Variants in POP4 observed in about 807,000 individuals in gnomAD.
POP4 encodes the protein ribonuclease P protein subunit p29.
A neutral mutation model predicts 29.9 loss-of-function variants in POP4; 31 were observed. That is an observed-to-expected ratio of 1.04 (90% CI 0.78 to 1.40). The LOEUF (loss-of-function observed/expected upper bound fraction) is 1.40, where lower values mean the gene tolerates loss of function less well. POP4 is among the 40% of genes most tolerant of loss of function. The pLI, the probability that POP4 is intolerant of heterozygous loss-of-function variation, is 0.00. For missense variants in POP4, 286 were observed against 282.7 expected, an observed-to-expected ratio of 1.01 and a Z score of -0.08; for synonymous variants, 110 against 108.2, an observed-to-expected ratio of 1.02 and a Z score of -0.10.
rs561509755 is a variant in POP4, at chr19:29,615,439, G to A, written c.*59G>A. On this transcript the variant is annotated 3_prime_UTR_variant, in exon 7 of 7. Transcript: ENST00000585603. ...GCTGAAAACTGGACACTCCCTAAATGTCCACCTTTCAGTGAAGAGATAGTT... is the reference window on the plus strand; with the variant it reads ...GCTGAAAACTGGACACTCCCTAAATATCCACCTTTCAGTGAAGAGATAGTT... The A allele has an allele frequency of 1.3e-6, 2 of 1,568,552 alleles. No individual in the cohort carries two copies. The highest frequency in any genetic ancestry group is 1.8e-5 in the Admixed American group (1 of 55,510).
At chr19:29,611,238 G>A (rs1971065281) in intron 3 of POP4, 1 of 156,156 alleles carries the variant, frequency 6.4e-6, no homozygotes, top group South Asian at 2.0e-4. Context: ...GCCCCACTCA[G>A]GAGATCAGCT....
intron 3 of POP4, 183 bp downstream of exon 3, chr19:29,610,815 A>G (rs970084565): frequency 3.2e-6 from 2 of 624,918 alleles, no homozygotes; most frequent in Non-Finnish European, 5.6e-6. Context: ...CGGGTGAGAC[A>G]GGACTCATTG....
rs948518399 is a variant in POP4, at chr19:29,608,548, G to A, written c.8-109G>A. 2.7e-6 allele frequency: 3 copies of A among 1,093,910 alleles called. No individual in the cohort carries two copies. In the African/African-American group the frequency reaches 4.6e-5, roughly 17 times the overall value. 67.8% of individuals were successfully genotyped at this position (1,093,910 alleles called of 1,614,324 possible). Reference sequence around the variant, plus strand: ...GCCTCCCAAAGTGCTAGGACTACAGGTATGAGCCACTGCGCCTAGTGGCGT... The same window carrying A: ...GCCTCCCAAAGTGCTAGGACTACAGATATGAGCCACTGCGCCTAGTGGCGT... On this transcript the variant is annotated intron_variant, in intron 1 of 6. Coordinates refer to ENST00000585603, the MANE Select transcript of POP4 (RefSeq NM_006627.3).
rs1971136901 is a variant in POP4 at position 29,616,787 on chromosome 19, AAC to A, written c.*1412_*1413del. The A allele has an allele frequency of 2.6e-5, 4 of 152,388 alleles. No homozygotes were observed. In the South Asian group the frequency reaches 8.3e-4, roughly 32 times the overall value. 9.4% of individuals were successfully genotyped at this position (152,388 alleles called of 1,614,324 possible). ...CACGCAGTCACCGCTGCCAGTGATG[AAC>A]ACACGCACGGGCTAGGCACATGGAG... is the stretch of plus-strand genomic sequence containing the variant. On this transcript the variant is annotated 3_prime_UTR_variant, in exon 7 of 7. Transcript: ENST00000585603.
intron 5 of POP4, among the ~76,000 whole-genome samples, chr19:29,613,406 GGCT>G (rs1971094232): frequency 6.6e-6 from 1 of 152,176 alleles, no homozygotes; most frequent in Non-Finnish European, 1.5e-5. Context: ...ACGAGGGAGG[GGCT>G]GCTGCTTGTG....
intron 2 of POP4, chr19:29,608,963 G>A (rs1568293890): frequency 4.7e-6 from 2 of 430,032 alleles, no homozygotes; most frequent in East Asian, 4.2e-5. Flanking sequence ...TTCCCACTGT[G>A]TTGGGGACAC....
chr19:29,611,805 A>G, intron 3 of POP4, 57 bp from the exon 4 acceptor site: 1 of 1,440,986 alleles, frequency 6.9e-7, no homozygotes, highest in Non-Finnish European at 9.8e-7. Flanking sequence ...CTATTTGGAC[A>G]TTGTCATCCC....
At chr19:29,613,734 C>T (rs1971098208) in intron 5 of POP4, 137 bp from the exon 6 acceptor site, 5 of 1,362,008 alleles carry the variant, frequency 3.7e-6, no homozygotes, top group Non-Finnish European at 4.9e-6. Context: ...GTTGAGCCCC[C>T]ACCCCCTGGG....
chr19:29,611,432 TC>T, intron 3 of POP4: 2 of 196,710 alleles, frequency 1.0e-5, no homozygotes, highest in Non-Finnish European at 1.0e-5. Flanking sequence ...TTGCCCCTGC[TC>T]CCCGCTTCTT....
intron 2 of POP4, 136 bp from the exon 3 acceptor site, chr19:29,610,273 T>A: frequency 1.3e-6 from 1 of 749,830 alleles, no homozygotes; most frequent in East Asian, 2.7e-5. Context: ...GATGAGCAGG[T>A]TGAGAGCCTC....
At chr19:29,613,743 G>A in intron 5 of POP4, 128 bp from the exon 6 acceptor site, 2 of 1,408,148 alleles carry the variant, frequency 1.4e-6, no homozygotes, top group Non-Finnish European at 1.9e-6. Flanking sequence ...CCACCCCCTG[G>A]GTGCTCTGTT....
Position 29,615,229 on chromosome 19 carries a change from T to C in POP4, c.527-15T>C, listed in dbSNP as rs776106150. On this transcript the variant is annotated splice_polypyrimidine_tract_variant and intron_variant, in intron 6 of 6. Transcript: ENST00000585603. ...TCATCTTTTTTTCTCCTGCCTTTTTTTTTTTTTTTTTCAGTTATCCCCAAG... is the reference window on the plus strand; with the variant it reads ...TCATCTTTTTTTCTCCTGCCTTTTTCTTTTTTTTTTTCAGTTATCCCCAAG... The C allele has an allele frequency of 2.7e-6, 4 of 1,505,612 alleles. No homozygotes were observed. The South Asian group carries it at 5.3e-5, about 20-fold the overall frequency. 93.3% of individuals were successfully genotyped at this position (1,505,612 alleles called of 1,614,324 possible). A position where few individuals can be genotyped will look rare whatever the true frequency, so the allele number is the denominator to read the frequency against.
At chr19:29,612,763 G>T (rs933126738) in intron 5 of POP4, among the ~76,000 whole-genome samples, 4 of 152,184 alleles carry the variant, frequency 2.6e-5, no homozygotes, top group African/African-American at 7.2e-5. Flanking sequence ...CCTAAACAGT[G>T]TCTATGTTTC....
At chr19:29,614,447 G>A (rs528619816) in intron 6 of POP4, among the ~76,000 whole-genome samples, 4 of 152,062 alleles carry the variant, frequency 2.6e-5, no homozygotes, top group South Asian at 2.1e-4. Flanking sequence ...TCTACACCCC[G>A]CCTTACCCAC....
Position 29,612,111 on chromosome 19 carries a change from C to T in POP4, c.363-6C>T, listed in dbSNP as rs1971076438. ...TGTAAACCAAGGGCTTCTGTTTACC[C>T]TGCAGGCAGCCACAGATGATTCAGG... On this transcript the variant is annotated splice_region_variant and splice_polypyrimidine_tract_variant and intron_variant, in intron 4 of 6. Coordinates refer to ENST00000585603, the MANE Select transcript of POP4 (RefSeq NM_006627.3). 2.5e-6 allele frequency: 4 copies of T among 1,606,360 alleles called. No homozygotes were observed. The highest frequency in any genetic ancestry group is 3.4e-6 in the Non-Finnish European group (4 of 1,177,844).
chr19:29,612,057 G>C, intron 4 of POP4, 60 bp from the exon 5 acceptor site: 1 of 1,590,030 alleles, frequency 6.3e-7, no homozygotes, highest in South Asian at 1.1e-5. Context: ...TAAAGACCTA[G>C]TTGCTTCTTT....
In POP4 at chr19:29,608,661, G is replaced by T; in HGVS notation, c.12G>T (p.Val4=). The T allele has an allele frequency of 6.2e-7, 1 of 1,613,776 alleles. No individual in the cohort carries two copies. Among genetic ancestry groups the T allele is most frequent in the South Asian group, 1.1e-5 (1 of 91,054 alleles). The change falls in exon 2 of 7, where the codon GTG becomes GTT. Residue 4 remains valine (V), a synonymous_variant. Transcript: ENST00000585603. ...TTCTTTTTTTTAATCCCCCAGGTGT[G>T]ATCTACCATGCATTGTCTCAGAAAG... The part of the protein sequence containing the change: MKS[V]IYHALSQKEA...
chr19:29,614,398 C>T (rs1297080917), intron 6 of POP4, among the ~76,000 whole-genome samples: 2 of 152,230 alleles, frequency 1.3e-5, no homozygotes, highest in African/African-American at 4.8e-5. Context: ...CATCCGTGGC[C>T]AGCATTGCTC....
chr19:29,610,340 C>T (rs1188837213), intron 2 of POP4, 69 bp from the exon 3 acceptor site: 17 of 1,391,784 alleles, frequency 1.2e-5, no homozygotes, highest in East Asian at 1.0e-4. Flanking sequence ...GAATGGCGGG[C>T]GGGATGCCTG....
Sources: allele counts gnomAD v4.1 joint callset (sites outside exome capture counted in the v4.1 genomes callset), GRCh38; gene constraint gnomAD v4.1.1; transcripts MANE v1.5; gene names NCBI Gene and HGNC (gene_info 2026-07-23, HGNC 2026-07-21).